Variants in GSTA4 observed in about 807,000 individuals in gnomAD.
GSTA4 encodes glutathione S-transferase alpha 4, also known as glutathione S-transferase A4.
In GSTA4, 15 loss-of-function variants were observed where a neutral mutation model predicts 24.4. The observed-to-expected ratio is 0.61, with a 90% CI of 0.41 to 0.95. GSTA4 has a LOEUF of 0.95. Among genes scored for constraint, GSTA4 ranks in the 40% least tolerant of loss-of-function variants. The probability of loss-of-function intolerance (pLI) is 0.00; values close to 1 mark genes in which losing one functional copy is unlikely to be tolerated. For synonymous variants in GSTA4, 92 were observed against 94.2 expected, an observed-to-expected ratio of 0.98 and a Z score of 0.13; for missense variants, 244 against 262.1, an observed-to-expected ratio of 0.93 and a Z score of 0.48.
Position 52,978,105 on chromosome 6 carries a change from G to GA in GSTA4, c.*364dup. ...GAGACTGGAGGGGATAAGGATAAGA[G>GA]AACAGGATAAGGAGAGCAGAAAGAC... On this transcript the variant is annotated 3_prime_UTR_variant, in exon 7 of 7. Coordinates refer to ENST00000370963, the MANE Select transcript of GSTA4 (RefSeq NM_001512.4). 1 of 188,656 alleles carries GA rather than the reference G, an allele frequency of 5.3e-6. No individual in the cohort carries two copies. The highest frequency in any genetic ancestry group is 1.1e-5 in the Non-Finnish European group (1 of 93,686). 11.7% of individuals were successfully genotyped at this position (188,656 alleles called of 1,614,324 possible). A position where few individuals can be genotyped will look rare whatever the true frequency, so the allele number is the denominator to read the frequency against.
intron 3 of GSTA4, among the ~76,000 whole-genome samples, chr6:52,986,047 G>GA (rs142642672): frequency 0.047 from 7,010 of 147,632 alleles, 222 homozygotes; most frequent in Non-Finnish European, 0.069. Context: ...ACTCTACCTC[G>GA]AAAAAAAAAA....
intron 6 of GSTA4, among the ~76,000 whole-genome samples, chr6:52,981,388 T>C (rs1763449041): frequency 6.6e-6 from 1 of 152,188 alleles, no homozygotes; most frequent in Non-Finnish European, 1.5e-5. Flanking sequence ...GCAAGCTTTT[T>C]CCATAAAGGA....
intron 2 of GSTA4, among the ~76,000 whole-genome samples, chr6:52,990,982 T>C (rs1349104618): frequency 6.6e-6 from 1 of 152,188 alleles, no homozygotes; most frequent in African/African-American, 2.4e-5. Flanking sequence ...AATTTGCATA[T>C]GAAAATGATG....
chr6:52,979,069 T>C (rs1044412952), intron 6 of GSTA4, among the ~76,000 whole-genome samples: 1 of 151,848 alleles, frequency 6.6e-6, no homozygotes, highest in Non-Finnish European at 1.5e-5. Context: ...AAAAACATAC[T>C]CAAAATAGAA....
chr6:52,981,736 G>C (rs1244444743), intron 6 of GSTA4, among the ~76,000 whole-genome samples: 1 of 152,184 alleles, frequency 6.6e-6, no homozygotes. Context: ...TAAAACTCAA[G>C]CATCCACTGC....
At chr6:52,978,767 C>T (rs778598104) in intron 6 of GSTA4, among the ~76,000 whole-genome samples, 175 bp from the exon 7 acceptor site, 1 of 151,972 alleles carries the variant, frequency 6.6e-6, no homozygotes, top group Non-Finnish European at 1.5e-5. Flanking sequence ...TTTGGCTTCA[C>T]TGGGCCACAC....
At chr6:52,992,331 G>T (rs944605308) in intron 2 of GSTA4, among the ~76,000 whole-genome samples, 1 of 152,174 alleles carries the variant, frequency 6.6e-6, no homozygotes. Context: ...GAAGAAATGA[G>T]TGGAGATAAA....
At chr6:52,985,880 G>A (rs1169436641) in intron 3 of GSTA4, among the ~76,000 whole-genome samples, 2 of 151,988 alleles carry the variant, frequency 1.3e-5, no homozygotes, top group Non-Finnish European at 2.9e-5. Flanking sequence ...GTGAAACCCC[G>A]CCTCTACTAG....
chr6:52,985,892 T>C, intron 3 of GSTA4, among the ~76,000 whole-genome samples: 1 of 151,886 alleles, frequency 6.6e-6, no homozygotes, highest in African/African-American at 2.4e-5. Flanking sequence ...CTCTACTAGA[T>C]ATACAAAAAT....
chr6:52,984,632 G>C (rs1268416888), intron 4 of GSTA4, 27 bp from the exon 5 acceptor site: 1 of 1,581,596 alleles, frequency 6.3e-7, no homozygotes, highest in South Asian at 1.1e-5. Context: ...AGTTGTCTCA[G>C]TTTCTCCTCT....
At chr6:52,987,541 C>G in intron 2 of GSTA4, 133 bp from the exon 3 acceptor site, 1 of 587,474 alleles carries the variant, frequency 1.7e-6, no homozygotes, top group Non-Finnish European at 3.0e-6. Flanking sequence ...AAGCCAGGCA[C>G]AGAAAGACAA....
rs1164904481 is a variant in GSTA4, at chr6:52,982,695, C to T, written c.425G>A (p.Gly142Asp). Residue 142 changes from glycine (G) to aspartate (D), a missense_variant, in exon 6 of 7, where the codon GGT (glycine) becomes GAT (aspartate). Physicochemically the swap from Gly to Asp is moderately conservative, Grantham distance 94. Transcript: ENST00000370963. ...YFPVFEKILR[G>D]HGQSFLVGNQ... is the part of the protein sequence containing the mutation. ...ACCAACAAGAAAGCTTTGTCCGTGA[C>T]CCCTTAAAATCTGTAGGGAAATGGT... 6.2e-7 allele frequency: 1 copy of T among 1,612,208 alleles called. No homozygotes were observed. Among genetic ancestry groups the T allele is most frequent in the Admixed American group, 1.7e-5 (1 of 59,930 alleles).
chr6:52,993,109 A>C lies in GSTA4; in HGVS notation c.87+1048T>G, dbSNP rs112885557. On this transcript the variant is annotated intron_variant, in intron 2 of 6. Coordinates refer to ENST00000370963, the MANE Select transcript of GSTA4 (RefSeq NM_001512.4). ...CAGAGCCAGCCTCCGTCAAAAAAAA[A>C]CCCAGAACATTAGTAGAAAAAACAG... Among the ~76,000 whole-genome samples the C allele has an allele frequency of 3.5e-4, 53 of 152,280 alleles. 1 individual carries two copies. Among genetic ancestry groups the C allele is most frequent in the Admixed American group, 9.8e-4 (15 of 15,294 alleles).
At chr6:52,995,103 A>C (rs2127389547) in intron 1 of GSTA4, 146 bp downstream of exon 1, 1 of 152,936 alleles carries the variant, frequency 6.5e-6, no homozygotes, top group Non-Finnish European at 1.5e-5. Flanking sequence ...AGGAGGACAA[A>C]GGACAAGAGG....
chr6:52,987,627 C>T, intron 2 of GSTA4: 2 of 483,194 alleles, frequency 4.1e-6, no homozygotes, highest in Non-Finnish European at 7.4e-6. Context: ...TTGGTGCTTA[C>T]TAGAGGCTGG....
chr6:52,994,483 C>T (rs957984755), intron 1 of GSTA4: 25 of 466,994 alleles, frequency 5.4e-5, no homozygotes, highest in Admixed American at 1.4e-4. Context: ...GACTTCTTAT[C>T]CTGGATCTTG....
At chr6:52,988,979 C>T (rs968731075) in intron 2 of GSTA4, among the ~76,000 whole-genome samples, 3 of 152,086 alleles carry the variant, frequency 2.0e-5, no homozygotes, top group African/African-American at 7.2e-5. Context: ...CATTGTAAGC[C>T]ACTGGATGAG....
chr6:52,990,626 TG>T (rs759145690), intron 2 of GSTA4, among the ~76,000 whole-genome samples: 2 of 152,344 alleles, frequency 1.3e-5, no homozygotes, highest in South Asian at 2.1e-4. Flanking sequence ...CTAAAAATGT[TG>T]ACTCATAGGT....
intron 1 of GSTA4, among the ~76,000 whole-genome samples, chr6:52,994,583 T>C (rs1392209965): frequency 6.6e-6 from 1 of 152,110 alleles, no homozygotes; most frequent in Non-Finnish European, 1.5e-5. Context: ...ACCTCGAGAA[T>C]CTCAGATTTT....
Sources: gnomAD v4.1 joint callset for allele counts (sites outside exome capture counted in the v4.1 genomes callset) on GRCh38, gnomAD v4.1.1 for gene constraint, MANE v1.5 for transcripts, NCBI Gene and HGNC (gene_info 2026-07-23, HGNC 2026-07-21) for gene names.